The following PSMC4 variants were observed in gnomAD, a reference collection of about 807,000 sequenced individuals.
PSMC4 encodes proteasome 26S subunit, ATPase 4, also known as 26S proteasome regulatory subunit 6B.
A neutral mutation model predicts 48.4 loss-of-function variants in PSMC4; 13 were observed. The ratio of observed to expected loss-of-function variants is 0.27; its 90% CI spans 0.18 to 0.43. The LOEUF is 0.43. Ranked by LOEUF, PSMC4 falls within the 20% of genes least tolerant of loss-of-function variation. The pLI is 1.00. For missense variants in PSMC4, 262 were observed against 555.9 expected (o/e 0.47, Z 5.32); for synonymous variants, 202 against 212.3 (o/e 0.95, Z 0.42).
chr19:39,973,385 A>T (rs77185540), intron 3 of PSMC4, among the ~76,000 whole-genome samples: 9,539 of 151,970 alleles, frequency 0.063, 994 homozygotes, highest in African/African-American at 0.22. Flanking sequence ...GAAGTTTGAG[A>T]CCAGGCTGGG....
At chr19:39,979,692 A>G (rs1297284610) in intron 6 of PSMC4, 125 bp from the exon 7 acceptor site, 3 of 977,466 alleles carry the variant, frequency 3.1e-6, no homozygotes, top group Admixed American at 6.0e-5. Context: ...TGAGGGAATG[A>G]CACAACTACT....
intron 6 of PSMC4, chr19:39,979,605 T>G: frequency 2.5e-6 from 1 of 398,450 alleles, no homozygotes; most frequent in Non-Finnish European, 4.3e-6. Context: ...TGATTCATGA[T>G]TTAGGCCACT....
Position 39,974,805 on chromosome 19 carries a change from A to G in PSMC4, c.650A>G (p.Lys217Arg). 6.2e-7 allele frequency: 1 copy of G among 1,614,058 alleles called. No individual in the cohort carries two copies. The highest frequency in any genetic ancestry group is 2.2e-5 in the East Asian group (1 of 44,878). Reference sequence around the variant, plus strand: ...GGCTGTGGGAAGACCATGTTGGCAAAGGCGGTGGCACATCACACAACAGGT... The same window carrying G: ...GGCTGTGGGAAGACCATGTTGGCAAGGGCGGTGGCACATCACACAACAGGT... ...PPGCGKTMLA[K>R]AVAHHTTAAF... The change falls in exon 6 of 11, where the codon AAG becomes AGG. Residue 217 changes from lysine to arginine, a missense_variant. Transcript: ENST00000157812. The surrounding 1 kb of genome is among the most constrained non-coding windows in gnomAD (Gnocchi z 5.5).
rs752230625 is a variant in PSMC4 at position 39,974,501 on chromosome 19, C to T, written c.470-23C>T. 7.4e-6 allele frequency: 12 copies of T among 1,613,366 alleles called. No homozygotes were observed. The East Asian group carries it at 2.7e-4, about 36-fold the overall frequency. ...GGGACCTTGAGGACCTGGCCAGGAG[C>T]CCCAGCTCTGCTCTCCCACCAGACC... On this transcript the variant is annotated intron_variant, in intron 4 of 10. Coordinates refer to ENST00000157812, the MANE Select transcript of PSMC4 (RefSeq NM_006503.4). This position sits in a 1 kb window ranked among gnomAD's most constrained non-coding sequence, Gnocchi z 5.5.
intron 6 of PSMC4, among the ~76,000 whole-genome samples, chr19:39,977,151 C>G (rs899524076): frequency 6.6e-6 from 1 of 151,936 alleles, no homozygotes; most frequent in Admixed American, 6.6e-5. Context: ...CTGCACCCGG[C>G]TGTGATTTTT....
rs1271675930 is a variant in PSMC4 at position 39,980,596 on chromosome 19, A to G, written c.1088-66A>G. The G allele has an allele frequency of 6.3e-7, 1 of 1,598,406 alleles. No individual in the cohort carries two copies. ...GGAGGGGAGGTGACAGAGATGGCCAAAGATGACTTCCAGCCCCAGGCATTT... is the reference window on the plus strand; with the variant it reads ...GGAGGGGAGGTGACAGAGATGGCCAGAGATGACTTCCAGCCCCAGGCATTT... On this transcript the variant is annotated intron_variant, in intron 9 of 10. Coordinates refer to ENST00000157812, the MANE Select transcript of PSMC4 (RefSeq NM_006503.4). The surrounding 1 kb of genome is among the most constrained non-coding windows in gnomAD (Gnocchi z 4.8).
At position 39,974,298 on chromosome 19, in the gene PSMC4, C is replaced by G; in HGVS notation, c.327C>G (p.Ser109=). 1 of 1,614,050 alleles carries G rather than the reference C, an allele frequency of 6.2e-7. No homozygotes were observed. Among genetic ancestry groups the G allele is most frequent in the South Asian group, 1.1e-5 (1 of 91,080 alleles). The stretch of plus-strand genomic sequence containing the variant: ...TTCCTCTCTCCCTTCTCGCAGGCTC[C>G]AACTATTATGTGCGCATCCTGAGCA... The part of the protein sequence containing the change: ...NTAIVGSTTG[S]NYYVRILSTI... Residue 109 remains serine (S), a synonymous_variant, in exon 4 of 11, where the codon TCC becomes TCG. Transcript: ENST00000157812. The surrounding 1 kb of genome is among the most constrained non-coding windows in gnomAD (Gnocchi z 5.5).
At chr19:39,976,866 T>C (rs1568375974) in intron 6 of PSMC4, among the ~76,000 whole-genome samples, 2 of 148,796 alleles carry the variant, frequency 1.3e-5, no homozygotes, top group Non-Finnish European at 3.0e-5. Context: ...TTTTTTTTTT[T>C]TGAGACAGAG....
rs935154863 is a variant in PSMC4 at position 39,974,158 on chromosome 19, G to A, written c.323-136G>A. 7 of 1,039,330 alleles carry A rather than the reference G, an allele frequency of 6.7e-6. No homozygotes were observed. The highest frequency in any genetic ancestry group is 8.3e-6 in the Non-Finnish European group (6 of 722,118). The allele number at this position is 1,039,330 out of a possible 1,614,324, so 64.4% of individuals were successfully genotyped here. On this transcript the variant is annotated intron_variant, in intron 3 of 10. Transcript: ENST00000157812. This position sits in a 1 kb window ranked among gnomAD's most constrained non-coding sequence, Gnocchi z 5.5. ...TGAATACTGGGGACGGACAGCAGGA[G>A]GGAAGGCTGGAGGCCGAGAGGGGAC...
intron 6 of PSMC4, chr19:39,979,604 A>G: frequency 2.6e-6 from 1 of 389,214 alleles, no homozygotes; most frequent in Non-Finnish European, 4.5e-6. Context: ...ATGATTCATG[A>G]TTTAGGCCAC....
chr19:39,971,175 AG>A lies in PSMC4; in HGVS notation c.-26del, dbSNP rs758834882. ...AGCGGAAGCGGTGACAGATCATCCC[AG>A]GCCACACAGAGGCCGGCTTGGTCAC... On this transcript the variant is annotated 5_prime_UTR_variant, in exon 1 of 11. Transcript: ENST00000157812. The A allele has an allele frequency of 2.5e-6, 4 of 1,613,650 alleles. No individual in the cohort carries two copies. In the Admixed American group the frequency reaches 6.7e-5, roughly 27 times the overall value.
At chr19:39,973,629 A>T (rs149257821) in intron 3 of PSMC4, among the ~76,000 whole-genome samples, 106 of 150,626 alleles carry the variant, frequency 7.0e-4, no homozygotes, top group African/African-American at 2.4e-3. Flanking sequence ...AGGGACTCAG[A>T]GTCCTTATCA....
intron 1 of PSMC4, among the ~76,000 whole-genome samples, chr19:39,971,851 A>G (rs2144610019): frequency 6.6e-6 from 1 of 152,176 alleles, no homozygotes; most frequent in East Asian, 1.9e-4. Flanking sequence ...TTTGGGTCTG[A>G]TAAGGAGTTG....
Position 39,980,977 on chromosome 19 carries a change from C to G in PSMC4, c.1144-215C>G, listed in dbSNP as rs775819455. Among the ~76,000 whole-genome samples the G allele has an allele frequency of 7.9e-5, 12 of 151,806 alleles. No homozygotes were observed. Among genetic ancestry groups the G allele is most frequent in the Non-Finnish European group, 1.6e-4 (11 of 68,000 alleles). On this transcript the variant is annotated intron_variant, in intron 10 of 10. Coordinates refer to ENST00000157812, the MANE Select transcript of PSMC4 (RefSeq NM_006503.4). The surrounding 1 kb of genome is among the most constrained non-coding windows in gnomAD (Gnocchi z 4.8). ...CACTGCAGTGATCCTCCCACCTCAG[C>G]CTCCCAAGTAGCTGGGATTACAGGC...
At position 39,980,162 on chromosome 19, in the gene PSMC4, T is replaced by C; in HGVS notation, c.918+16T>C. The C allele has an allele frequency of 6.2e-7, 1 of 1,613,722 alleles. No homozygotes were observed. Among genetic ancestry groups the C allele is most frequent in the Non-Finnish European group, 8.5e-7 (1 of 1,179,926 alleles). On this transcript the variant is annotated intron_variant, in intron 8 of 10. Transcript: ENST00000157812. This position sits in a 1 kb window ranked among gnomAD's most constrained non-coding sequence, Gnocchi z 4.8. ...CAATGTCAAGGTTTGGGGTTTGGGA[T>C]GGACAAGGGGAGGTGTGGTGTAGGA...
In PSMC4 at chr19:39,981,383, A is replaced by G; in HGVS notation, c.*78A>G. The G allele has an allele frequency of 9.9e-7, 1 of 1,013,222 alleles. No homozygotes were observed. The allele number at this position is 1,013,222 out of a possible 1,614,324, so 62.8% of individuals were successfully genotyped here. ...CCCAGCACCTCTGTCCCAAAACCTC[A>G]TTCCCTTTTTTCTTTACCCAGGATT... On this transcript the variant is annotated 3_prime_UTR_variant, in exon 11 of 11. Coordinates refer to ENST00000157812, the MANE Select transcript of PSMC4 (RefSeq NM_006503.4).
intron 6 of PSMC4, among the ~76,000 whole-genome samples, chr19:39,978,174 T>G (rs138927916): frequency 6.6e-6 from 1 of 152,102 alleles, no homozygotes; most frequent in Non-Finnish European, 1.5e-5. Flanking sequence ...CACAGCTTAC[T>G]AAGAGTGAGT....
At chr19:39,977,103 T>A (rs1020009489) in intron 6 of PSMC4, among the ~76,000 whole-genome samples, 19 of 152,046 alleles carry the variant, frequency 1.2e-4, no homozygotes, top group Non-Finnish European at 4.4e-5. Flanking sequence ...TCCACCCACC[T>A]TGGCCTCCCA....
chr19:39,980,805 A>G lies in PSMC4; in HGVS notation c.1143+88A>G. 1 of 1,364,704 alleles carries G rather than the reference A, an allele frequency of 7.3e-7. No homozygotes were observed. The highest frequency in any genetic ancestry group is 1.0e-6 in the Non-Finnish European group (1 of 954,264). 84.5% of individuals were successfully genotyped at this position (1,364,704 alleles called of 1,614,324 possible). A position where few individuals can be genotyped will look rare whatever the true frequency, so the allele number is the denominator to read the frequency against. On this transcript the variant is annotated intron_variant, in intron 10 of 10. Coordinates refer to ENST00000157812, the MANE Select transcript of PSMC4 (RefSeq NM_006503.4). The surrounding 1 kb of genome is among the most constrained non-coding windows in gnomAD (Gnocchi z 4.8). ...CACTCTGCTGCAGTCCTGTCCCCTC[A>G]TGGCTGCCCTGGGTCGTGGGCGCCA...
Sources: allele counts gnomAD v4.1 joint callset (sites outside exome capture counted in the v4.1 genomes callset), GRCh38; gene constraint gnomAD v4.1.1; non-coding constraint Gnocchi (gnomAD v3.1); transcripts MANE v1.5; gene names NCBI Gene and HGNC (gene_info 2026-07-23, HGNC 2026-07-21).